The following GABRB1 variants were observed in gnomAD, a reference collection of about 807,000 sequenced individuals.
GABRB1 encodes the protein gamma-aminobutyric acid receptor subunit beta-1.
Under a neutral mutation model 51.6 loss-of-function variants are expected in GABRB1, and 17 were observed. The observed-to-expected ratio is 0.33, with a 90% CI of 0.23 to 0.49. GABRB1 has a LOEUF of 0.49. GABRB1 is among the 20% of genes least tolerant of loss of function. The probability of loss-of-function intolerance (pLI) is 0.99; values close to 1 mark genes in which losing one functional copy is unlikely to be tolerated. For missense variants in GABRB1, 410 were observed against 600.6 expected, an observed-to-expected ratio of 0.68 and a Z score of 3.32; for synonymous variants, 247 against 218.9, an observed-to-expected ratio of 1.13 and a Z score of -1.14.
chr4:46,999,443 T>A (rs1724115456), intron 1 of GABRB1, among the ~76,000 whole-genome samples: 1 of 152,200 alleles, frequency 6.6e-6, no homozygotes, highest in East Asian at 1.9e-4. Flanking sequence ...TAAAATATGT[T>A]ACGTTGTTTG....
intron 5 of GABRB1, among the ~76,000 whole-genome samples, chr4:47,342,328 T>A (rs1441352391): frequency 6.6e-6 from 1 of 152,174 alleles, no homozygotes; most frequent in Admixed American, 6.5e-5. Flanking sequence ...TGTAATTCAC[T>A]GAAGGAATAG....
At chr4:47,270,124 G>A (rs200375770) in intron 4 of GABRB1, among the ~76,000 whole-genome samples, 2 of 152,274 alleles carry the variant, frequency 1.3e-5, no homozygotes, top group East Asian at 3.9e-4. Flanking sequence ...CCAAAACAGT[G>A]TTGAGGGCTG....
At chr4:47,377,378 C>G (rs758175803) in intron 5 of GABRB1, among the ~76,000 whole-genome samples, 2 of 138,272 alleles carry the variant, frequency 1.4e-5, no homozygotes, top group Admixed American at 1.4e-4. Context: ...GCGTCGTGTC[C>G]GGAGTTTGTT....
intron 3 of GABRB1, among the ~76,000 whole-genome samples, chr4:47,116,041 T>A (rs1264229001): frequency 6.6e-6 from 1 of 152,164 alleles, no homozygotes; most frequent in Non-Finnish European, 1.5e-5. Context: ...ACAGTATTGG[T>A]GTTTTGTTTT....
At chr4:47,325,677 A>C (rs1725234023) in intron 5 of GABRB1, among the ~76,000 whole-genome samples, 2 of 152,110 alleles carry the variant, frequency 1.3e-5, no homozygotes. Flanking sequence ...TTCTGGCTGA[A>C]ATGCTTTTCC....
intron 4 of GABRB1, among the ~76,000 whole-genome samples, chr4:47,226,814 G>T (rs1240772458): frequency 6.6e-6 from 1 of 152,108 alleles, no homozygotes; most frequent in East Asian, 1.9e-4. Flanking sequence ...TGTAAGCAAT[G>T]TTTATACCTC....
At chr4:47,079,102 G>A (rs369205866) in intron 3 of GABRB1, among the ~76,000 whole-genome samples, 3 of 152,090 alleles carry the variant, frequency 2.0e-5, no homozygotes, top group Non-Finnish European at 4.4e-5. Context: ...GCCAGGCTTT[G>A]GTATCAGGAT....
At chr4:47,351,679 G>A (rs1234254340) in intron 5 of GABRB1, among the ~76,000 whole-genome samples, 11 of 149,434 alleles carry the variant, frequency 7.4e-5, no homozygotes, top group South Asian at 2.1e-4. Flanking sequence ...TTGTCCTTGC[G>A]ATAGTTTACT....
chr4:47,031,046 G>A (rs545974453), upstream of GABRB1, among the ~76,000 whole-genome samples: 2 of 152,148 alleles, frequency 1.3e-5, no homozygotes, highest in East Asian at 3.9e-4. Flanking sequence ...CCTCCCAAGG[G>A]CACCTAATTT....
chr4:47,112,297 G>A (rs1007541610), intron 3 of GABRB1, among the ~76,000 whole-genome samples: 1 of 152,060 alleles, frequency 6.6e-6, no homozygotes, highest in Admixed American at 6.5e-5. Flanking sequence ...CAGTAGCTGG[G>A]ACTACAGGCA....
chr4:47,172,666 G>A (rs1354968654), intron 4 of GABRB1, among the ~76,000 whole-genome samples: 1 of 110,164 alleles, frequency 9.1e-6, no homozygotes, highest in Non-Finnish European at 1.7e-5. Flanking sequence ...TTTTGAGATG[G>A]AGTCTTCCTA....
chr4:47,195,162 C>T (rs866046304), intron 4 of GABRB1, among the ~76,000 whole-genome samples: 6 of 152,038 alleles, frequency 3.9e-5, no homozygotes, highest in Non-Finnish European at 5.9e-5. Flanking sequence ...GTCATGAAAT[C>T]GAGACCATCC....
chr4:47,130,796 T>G (rs1178076418), intron 3 of GABRB1, among the ~76,000 whole-genome samples: 1 of 152,214 alleles, frequency 6.6e-6, no homozygotes, highest in Non-Finnish European at 1.5e-5. Flanking sequence ...TTTATTATTA[T>G]ATTTCCAGCT....
intron 1 of GABRB1, among the ~76,000 whole-genome samples, chr4:47,008,574 T>C (rs1174936208): frequency 2.6e-5 from 4 of 151,298 alleles, no homozygotes; most frequent in Non-Finnish European, 5.9e-5. Context: ...GTGATTCTCC[T>C]GCCTCAGCCT....
chr4:47,115,631 G>GA (rs1479598755), intron 3 of GABRB1, among the ~76,000 whole-genome samples: 2 of 151,814 alleles, frequency 1.3e-5, no homozygotes, highest in Admixed American at 1.3e-4. Flanking sequence ...AGAGTCAACT[G>GA]AAAGCTCTTC....
intron 3 of GABRB1, among the ~76,000 whole-genome samples, chr4:47,090,575 T>A (rs996297940): frequency 6.6e-6 from 1 of 152,242 alleles, no homozygotes; most frequent in African/African-American, 2.4e-5. Flanking sequence ...CTCACCGTGA[T>A]TATCTTTCTT....
At chr4:47,147,983 AT>A (rs1290666918) in intron 3 of GABRB1, among the ~76,000 whole-genome samples, 1 of 152,072 alleles carries the variant, frequency 6.6e-6, no homozygotes, top group Admixed American at 6.6e-5. Context: ...CATATTTGCA[AT>A]TTTTTAAAAA....
intron 8 of GABRB1, among the ~76,000 whole-genome samples, chr4:47,417,392 G>A (rs1560377332): frequency 6.6e-6 from 1 of 151,496 alleles, no homozygotes; most frequent in Non-Finnish European, 1.5e-5. Flanking sequence ...CACTTCTGCC[G>A]CAAGCTTTCA....
At chr4:47,024,445 C>A (rs559265648) in intron 1 of GABRB1, among the ~76,000 whole-genome samples, 18 of 152,032 alleles carry the variant, frequency 1.2e-4, no homozygotes, top group African/African-American at 4.1e-4. Flanking sequence ...TCCCCCAAAT[C>A]CTCCATTCGA....
Sources: allele counts gnomAD v4.1 joint callset (sites outside exome capture counted in the v4.1 genomes callset), GRCh38; gene constraint gnomAD v4.1.1; transcripts MANE v1.5; gene names NCBI Gene and HGNC (gene_info 2026-07-23, HGNC 2026-07-21).